The following MAP3K1 variants were observed in gnomAD, a reference collection of about 807,000 sequenced individuals.
MAP3K1 encodes the protein mitogen-activated protein kinase kinase kinase 1.
Under a neutral mutation model 144.2 loss-of-function variants are expected in MAP3K1, and 36 were observed. The observed-to-expected ratio is 0.25, with a 90% CI of 0.19 to 0.33. The LOEUF is 0.33. MAP3K1 is among the 10% of genes least tolerant of loss of function. The pLI is 1.00. For synonymous variants in MAP3K1, 718 were observed against 688.7 expected (o/e 1.04, Z -0.67); for missense variants, 1,650 against 1,881.9 (o/e 0.88, Z 2.28).
At chr5:56,832,031 G>A (rs1275154711) in intron 1 of MAP3K1, among the ~76,000 whole-genome samples, 3 of 152,180 alleles carry the variant, frequency 2.0e-5, no homozygotes. Context: ...GCTCAGGCTT[G>A]TGAGACCGTT....
At chr5:56,893,483 C>T in intron 19 of MAP3K1, 48 bp from the exon 20 acceptor site, 1 of 1,597,248 alleles carries the variant, frequency 6.3e-7, no homozygotes, top group Non-Finnish European at 8.6e-7. Flanking sequence ...GTTTCTGTAT[C>T]AGAAGTTACA....
chr5:56,872,542 G>A (rs565431466), intron 7 of MAP3K1, 99 bp from the exon 8 acceptor site: 1 of 739,926 alleles, frequency 1.4e-6, no homozygotes, highest in African/African-American at 1.8e-5. Flanking sequence ...TATTTTTGAG[G>A]TTCCTTCTAT....
rs916555277 is a variant in MAP3K1 at position 56,882,772 on chromosome 5, T to A, written c.3572T>A (p.Ile1191Asn). Residue 1191 changes from isoleucine (I) to asparagine (N), a missense_variant, in exon 14 of 20, where the codon ATT (isoleucine) becomes AAT (asparagine). Ile to Asn is a moderately radical substitution (Grantham distance 149). Coordinates refer to ENST00000399503, the MANE Select transcript of MAP3K1 (RefSeq NM_005921.2). ...GCTGAAGAAGAAGAAGCTTTAGCAA[T>A]TGCCATGGCAATGTCAGCGTCTCAG... ...MEAEEEEALA[I>N]AMAMSASQDA... The A allele has an allele frequency of 2.5e-6, 4 of 1,611,832 alleles. No individual in the cohort carries two copies. The Admixed American group carries it at 5.0e-5, about 20-fold the overall frequency.
chr5:56,892,711 CAAG>C (rs895408110), intron 19 of MAP3K1, among the ~76,000 whole-genome samples: 8 of 152,098 alleles, frequency 5.3e-5, no homozygotes, highest in Admixed American at 6.6e-5. Flanking sequence ...GAATGCATTT[CAAG>C]AAGAAGAAAA....
In MAP3K1 at chr5:56,880,698, C is replaced by T. The variant is rs1456956311; in HGVS notation, c.2088-13C>T. The T allele has an allele frequency of 6.2e-7, 1 of 1,600,100 alleles. No homozygotes were observed. Among genetic ancestry groups the T allele is most frequent in the South Asian group, 1.1e-5 (1 of 90,774 alleles). On this transcript the variant is annotated splice_polypyrimidine_tract_variant and intron_variant, in intron 11 of 19. Coordinates refer to ENST00000399503, the MANE Select transcript of MAP3K1 (RefSeq NM_005921.2). ...AAGATCCAGGATTGATGTTGCTTTTCCTTTGTTTTTAGCCGCACAAGTCAG... is the reference window on the plus strand; with the variant it reads ...AAGATCCAGGATTGATGTTGCTTTTTCTTTGTTTTTAGCCGCACAAGTCAG...
intron 16 of MAP3K1, 35 bp from the exon 17 acceptor site, chr5:56,885,897 T>C: frequency 6.3e-7 from 1 of 1,599,124 alleles, no homozygotes; most frequent in Middle Eastern, 1.7e-4. Flanking sequence ...TAATTCTGTC[T>C]TAAGTTTATG....
At chr5:56,888,786 G>A (rs1335723929) in intron 19 of MAP3K1, among the ~76,000 whole-genome samples, 1 of 152,146 alleles carries the variant, frequency 6.6e-6, no homozygotes, top group Non-Finnish European at 1.5e-5. Flanking sequence ...TGTTTGGCAG[G>A]TTAGGTGTAT....
chr5:56,890,907 A>G (rs374754027), intron 19 of MAP3K1, among the ~76,000 whole-genome samples: 166 of 151,794 alleles, frequency 1.1e-3, no homozygotes, highest in African/African-American at 3.9e-3. Flanking sequence ...TTAGCTGGGC[A>G]TAGTGAGACG....
rs1748690528 is a variant in MAP3K1 at position 56,895,971 on chromosome 5, T to G, written c.*2291T>G. The G allele has an allele frequency of 5.5e-6, 1 of 180,362 alleles. No individual in the cohort carries two copies. The highest frequency in any genetic ancestry group is 3.1e-5 in the African/African-American group (1 of 32,680). The allele number at this position is 180,362 out of a possible 1,614,324, so 11.2% of individuals were successfully genotyped here. On this transcript the variant is annotated 3_prime_UTR_variant, in exon 20 of 20. Coordinates refer to ENST00000399503, the MANE Select transcript of MAP3K1 (RefSeq NM_005921.2). ...ATTAGCACCTTACTGTGTAAGCAAA[T>G]GTTACAAAAAAAAAAAAAAAAAATC... is the stretch of plus-strand genomic sequence containing the variant.
chr5:56,825,953 A>G (rs893766759), intron 1 of MAP3K1, among the ~76,000 whole-genome samples: 7 of 150,092 alleles, frequency 4.7e-5, no homozygotes, highest in African/African-American at 1.7e-4. Flanking sequence ...TTAGTCCCTC[A>G]ACTGACCGTT....
At chr5:56,885,228 T>A (rs1748344931) in intron 16 of MAP3K1, among the ~76,000 whole-genome samples, 1 of 152,210 alleles carries the variant, frequency 6.6e-6, no homozygotes, top group Admixed American at 6.5e-5. Context: ...AAGCATAAAG[T>A]TGAACCTTGT....
Position 56,820,329 on chromosome 5 carries a change from T to C in MAP3K1, c.482+4274T>C, listed in dbSNP as rs929898880. The C allele has an allele frequency of 1.2e-4, 75 of 627,392 alleles. No individual in the cohort carries two copies. In the African/African-American group the frequency reaches 1.4e-3, roughly 12 times the overall value. 38.9% of individuals were successfully genotyped at this position (627,392 alleles called of 1,614,324 possible). The stretch of plus-strand genomic sequence containing the variant: ...TCAGACTGACTCCACAGTCCATTTC[T>C]TTCCACTACTCTGCTTCTTCCATTT... On this transcript the variant is annotated intron_variant, in intron 1 of 19. Transcript: ENST00000399503.
At chr5:56,868,959 G>C (rs1223347724) in intron 6 of MAP3K1, among the ~76,000 whole-genome samples, 1 of 151,908 alleles carries the variant, frequency 6.6e-6, no homozygotes, top group East Asian at 1.9e-4. Flanking sequence ...GTCACAAAAA[G>C]ACAAATATTG....
chr5:56,826,573 T>G (rs552734596), intron 1 of MAP3K1, among the ~76,000 whole-genome samples: 2 of 152,212 alleles, frequency 1.3e-5, no homozygotes, highest in South Asian at 4.1e-4. Context: ...ACAGATGTGC[T>G]CAGATACTTC....
At chr5:56,887,986 T>G in intron 18 of MAP3K1, 1 of 554,970 alleles carries the variant, frequency 1.8e-6, no homozygotes, top group South Asian at 2.1e-5. Flanking sequence ...CCACATAGTT[T>G]GCTAAGAGCA....
intron 1 of MAP3K1, among the ~76,000 whole-genome samples, chr5:56,833,384 T>C (rs530811426): frequency 6.6e-6 from 1 of 152,330 alleles, no homozygotes; most frequent in South Asian, 2.1e-4. Flanking sequence ...GTTAACACTT[T>C]TGGAGTACTT....
In MAP3K1 at chr5:56,817,526, A is replaced by G. The variant is rs1393295392; in HGVS notation, c.482+1471A>G. On this transcript the variant is annotated intron_variant, in intron 1 of 19. Coordinates refer to ENST00000399503, the MANE Select transcript of MAP3K1 (RefSeq NM_005921.2). ...TAAAAAATATGCTTCGCACTGTACC[A>G]TGGCACTACTGAGACCAAAGGAGAT... 2.0e-5 allele frequency among the ~76,000 whole-genome samples: 3 copies of G among 152,344 alleles called. 1 individual carries two copies. The highest frequency in any genetic ancestry group is 4.1e-4 in the South Asian group (2 of 4,830).
At chr5:56,891,302 C>T (rs1748545286) in intron 19 of MAP3K1, among the ~76,000 whole-genome samples, 1 of 151,996 alleles carries the variant, frequency 6.6e-6, no homozygotes, top group African/African-American at 2.4e-5. Flanking sequence ...GGATCACAGA[C>T]CTTAGAGGAT....
At chr5:56,859,235 G>A (rs187140902) in intron 2 of MAP3K1, among the ~76,000 whole-genome samples, 3 of 151,990 alleles carry the variant, frequency 2.0e-5, no homozygotes, top group African/African-American at 7.2e-5. Flanking sequence ...ATTGCATAGT[G>A]ATCAAACTAT....
Sources: gnomAD v4.1 joint callset for allele counts (sites outside exome capture counted in the v4.1 genomes callset) on GRCh38, gnomAD v4.1.1 for gene constraint, MANE v1.5 for transcripts, NCBI Gene and HGNC (gene_info 2026-07-23, HGNC 2026-07-21) for gene names.